The following FBXL17 variants were observed in gnomAD, a reference collection of about 807,000 sequenced individuals.
FBXL17 encodes F-box and leucine rich repeat protein 17, also known as F-box/LRR-repeat protein 17.
FBXL17 carries 22 observed loss-of-function variants against 66.2 expected under a neutral mutation model. That is an observed-to-expected ratio of 0.33 (90% confidence interval 0.24 to 0.47). FBXL17 has a LOEUF of 0.47. Among genes scored for constraint, FBXL17 ranks in the 20% least tolerant of loss-of-function variants. FBXL17 has a pLI of 1.00. For synonymous variants in FBXL17, 474 were observed against 400.5 expected (o/e 1.18, Z -2.19); for missense variants, 878 against 948.2 (o/e 0.93, Z 0.97).
chr5:107,965,446 G>T (rs1188363888), intron 7 of FBXL17, among the ~76,000 whole-genome samples: 3 of 152,080 alleles, frequency 2.0e-5, no homozygotes, highest in South Asian at 2.1e-4. Context: ...TCAATTCATT[G>T]TTTCGATTTA....
At chr5:108,323,555 A>G (rs78303534) in intron 4 of FBXL17, among the ~76,000 whole-genome samples, 6,595 of 152,086 alleles carry the variant, frequency 0.043, 765 homozygotes, top group East Asian at 0.39. Context: ...TACAATCCCT[A>G]TCAAAATCTG....
chr5:108,274,670 A>G (rs1226483320), intron 4 of FBXL17, among the ~76,000 whole-genome samples: 1 of 152,202 alleles, frequency 6.6e-6, no homozygotes, highest in African/African-American at 2.4e-5. Flanking sequence ...TGTCCATGAA[A>G]TCTTTACAAT....
chr5:108,334,155 A>C (rs1157188796), intron 4 of FBXL17, among the ~76,000 whole-genome samples: 1 of 152,170 alleles, frequency 6.6e-6, no homozygotes, highest in Non-Finnish European at 1.5e-5. Context: ...ATTAAGGTTA[A>C]AAAATAAATA....
rs1307239594 is a variant in FBXL17, at chr5:108,220,934, C to T, written c.1614+3187G>A. Among the ~76,000 whole-genome samples, 3 of 152,180 alleles carry T rather than the reference C, an allele frequency of 2.0e-5. No homozygotes were observed. In the East Asian group the frequency reaches 5.8e-4, roughly 29 times the overall value. ...CTCCCACATACAAGTCACTAATACT[C>T]TTAACTGTAAATGTAGACCTCAAAA... On this transcript the variant is annotated intron_variant, in intron 5 of 8. Coordinates refer to ENST00000542267, the MANE Select transcript of FBXL17 (RefSeq NM_001163315.3).
At chr5:108,024,803 T>C (rs1754733496) in intron 6 of FBXL17, among the ~76,000 whole-genome samples, 1 of 152,148 alleles carries the variant, frequency 6.6e-6, no homozygotes, top group Non-Finnish European at 1.5e-5. Flanking sequence ...TTTGATGAAA[T>C]ATGAAAAGCA....
intron 4 of FBXL17, among the ~76,000 whole-genome samples, chr5:108,235,906 G>A (rs1247168537): frequency 6.6e-6 from 1 of 152,166 alleles, no homozygotes; most frequent in East Asian, 1.9e-4. Context: ...TTGATGCAAA[G>A]AAAAACAGAA....
chr5:108,288,151 C>T (rs1320320030), intron 4 of FBXL17, among the ~76,000 whole-genome samples: 2 of 151,764 alleles, frequency 1.3e-5, no homozygotes, highest in African/African-American at 4.8e-5. Context: ...GAAAAACTAC[C>T]TTGTATCAGG....
Position 107,861,671 on chromosome 5 carries a change from C to T in FBXL17, c.*49G>A, listed in dbSNP as rs1277139120. On this transcript the variant is annotated 3_prime_UTR_variant, in exon 9 of 9. Transcript: ENST00000542267. ...AGATCAGCTCCCCAAATGTACAATT[C>T]TCCTCTGCTCTGCTGAATGATCCCA... is the stretch of plus-strand genomic sequence containing the variant. The T allele has an allele frequency of 2.7e-6, 4 of 1,463,476 alleles. No homozygotes were observed. In the South Asian group the frequency reaches 4.5e-5, roughly 16 times the overall value. 90.7% of individuals were successfully genotyped at this position (1,463,476 alleles called of 1,614,324 possible).
In FBXL17 at chr5:108,178,820, G is replaced by A. The variant is rs538625594; in HGVS notation, c.1745+7297C>T. On this transcript the variant is annotated intron_variant, in intron 6 of 8. Transcript: ENST00000542267. ...TCCAAGTTTTCAGGCTTTTATGATA[G>A]AAAATTGCTCAAACTTCACACTCAA... 2.6e-5 allele frequency among the ~76,000 whole-genome samples: 4 copies of A among 152,234 alleles called. No homozygotes were observed. In the South Asian group the frequency reaches 8.3e-4, roughly 32 times the overall value.
At position 108,368,349 on chromosome 5, in the gene FBXL17, G is replaced by C. The variant is rs574242697; in HGVS notation, c.994-396C>G. Among the ~76,000 whole-genome samples, 5 of 152,018 alleles carry C rather than the reference G, an allele frequency of 3.3e-5. No homozygotes were observed. In the East Asian group the frequency reaches 9.7e-4, roughly 29 times the overall value. On this transcript the variant is annotated intron_variant, in intron 1 of 8. Transcript: ENST00000542267. ...GTGATAAACTTGAGATTATTCTGAA[G>C]TTTTACAGTTTGACCTTGGAGCCAC...
intron 8 of FBXL17, 119 bp from the exon 9 acceptor site, chr5:107,861,979 TC>T: frequency 9.0e-7 from 1 of 1,112,376 alleles, no homozygotes; most frequent in Non-Finnish European, 1.2e-6. Context: ...GCCTTGTTCC[TC>T]CTAGCGATGT....
chr5:108,022,568 C>G (rs288166), intron 6 of FBXL17, among the ~76,000 whole-genome samples: 118,020 of 151,948 alleles, frequency 0.78, 46,213 homozygotes, highest in East Asian at 0.93. Context: ...AAAACTAACA[C>G]ATCCAATATT....
At chr5:108,133,832 C>T (rs1271183866) in intron 6 of FBXL17, among the ~76,000 whole-genome samples, 1 of 151,684 alleles carries the variant, frequency 6.6e-6, no homozygotes, top group Non-Finnish European at 1.5e-5. Context: ...ATTTCCTTGT[C>T]TGTAAAAATG....
intron 1 of FBXL17, among the ~76,000 whole-genome samples, chr5:108,380,444 A>G (rs1749766382): frequency 6.6e-6 from 1 of 152,218 alleles, no homozygotes; most frequent in African/African-American, 2.4e-5. Flanking sequence ...TGGGATTCTA[A>G]TAATAGCTGA....
At chr5:108,002,875 C>T (rs1163391082) in intron 7 of FBXL17, among the ~76,000 whole-genome samples, 1 of 152,066 alleles carries the variant, frequency 6.6e-6, no homozygotes, top group Non-Finnish European at 1.5e-5. Flanking sequence ...TCTATATAGA[C>T]AGTGAATTAT....
intron 7 of FBXL17, among the ~76,000 whole-genome samples, chr5:107,992,639 A>AT (rs1014978804): frequency 6.6e-6 from 1 of 152,176 alleles, no homozygotes; most frequent in African/African-American, 2.4e-5. Flanking sequence ...CATTTTAAAA[A>AT]TTTTTTTATC....
intron 4 of FBXL17, among the ~76,000 whole-genome samples, chr5:108,250,184 A>G (rs1035830210): frequency 6.6e-6 from 1 of 152,164 alleles, no homozygotes; most frequent in Non-Finnish European, 1.5e-5. Context: ...GATGAATGCT[A>G]CAGCAAATTA....
chr5:108,335,342 T>TAA (rs1036576802), intron 4 of FBXL17, among the ~76,000 whole-genome samples: 3 of 140,920 alleles, frequency 2.1e-5, no homozygotes, highest in Admixed American at 7.1e-5. Flanking sequence ...ACAGTATCTT[T>TAA]AAAAAAAAAA....
Position 107,905,185 on chromosome 5 carries a change from A to T in FBXL17, c.1823-24006T>A, listed in dbSNP as rs189702518. Reference sequence around the variant, plus strand: ...GAGATGAGAAAAATTTGAATAGATGAGAAAAATTTCAATTTAGTGTGTAGC... The same window carrying T: ...GAGATGAGAAAAATTTGAATAGATGTGAAAAATTTCAATTTAGTGTGTAGC... On this transcript the variant is annotated intron_variant, in intron 7 of 8. Coordinates refer to ENST00000542267, the MANE Select transcript of FBXL17 (RefSeq NM_001163315.3). Among the ~76,000 whole-genome samples, 3 of 152,294 alleles carry T rather than the reference A, an allele frequency of 2.0e-5. No individual in the cohort carries two copies. In the East Asian group the frequency reaches 5.8e-4, roughly 29 times the overall value.
Sources: gnomAD v4.1 joint callset for allele counts (sites outside exome capture counted in the v4.1 genomes callset) on GRCh38, gnomAD v4.1.1 for gene constraint, MANE v1.5 for transcripts, NCBI Gene and HGNC (gene_info 2026-07-23, HGNC 2026-07-21) for gene names.